The following NIBAN1 variants were observed in gnomAD, a reference collection of about 807,000 sequenced individuals.
NIBAN1 encodes the protein protein Niban 1.
A neutral mutation model predicts 75.1 loss-of-function variants in NIBAN1; 81 were observed. The observed-to-expected ratio is 1.08, with a 90% CI of 0.90 to 1.30. The LOEUF (loss-of-function observed/expected upper bound fraction) is 1.30, where lower values mean the gene tolerates loss of function less well. Ranked by LOEUF, NIBAN1 falls within the 50% of genes most tolerant of loss-of-function variation. The pLI, the probability that NIBAN1 is intolerant of heterozygous loss-of-function variation, is 0.00. For missense variants in NIBAN1, 1,133 were observed against 1,128.1 expected, an observed-to-expected ratio of 1.00 and a Z score of -0.06; for synonymous variants, 436 against 424.8, an observed-to-expected ratio of 1.03 and a Z score of -0.32.
chr1:184,881,802 C>A (rs1656386595), intron 5 of NIBAN1, among the ~76,000 whole-genome samples: 2 of 152,106 alleles, frequency 1.3e-5, no homozygotes, highest in African/African-American at 2.4e-5. Flanking sequence ...TGAGGATGAC[C>A]AGAGGTCACT....
chr1:184,871,368 A>AAAAAAG (rs1656105708), intron 5 of NIBAN1, among the ~76,000 whole-genome samples: 1 of 121,794 alleles, frequency 8.2e-6, no homozygotes, highest in Non-Finnish European at 1.7e-5. Flanking sequence ...AAAAAAAAAA[A>AAAAAAG]AAAAAGAGGA....
intron 10 of NIBAN1, 129 bp downstream of exon 10, chr1:184,807,945 G>A (rs338564): frequency 0.24 from 252,269 of 1,048,642 alleles, 35,039 homozygotes; most frequent in East Asian, 0.47. Flanking sequence ...GTGTCCTCCC[G>A]CAACATGATG....
chr1:184,911,820 T>C (rs1657248402), intron 1 of NIBAN1, among the ~76,000 whole-genome samples: 1 of 152,212 alleles, frequency 6.6e-6, no homozygotes, highest in Admixed American at 6.5e-5. Flanking sequence ...CATGTTTTCT[T>C]TAGTTATGAA....
intron 3 of NIBAN1, among the ~76,000 whole-genome samples, chr1:184,892,907 G>A (rs986960451): frequency 2.6e-5 from 4 of 152,078 alleles, no homozygotes; most frequent in African/African-American, 7.2e-5. Flanking sequence ...GAGTATCTGA[G>A]ACTACAGGCA....
At chr1:184,881,205 A>G (rs1656369439) in intron 5 of NIBAN1, among the ~76,000 whole-genome samples, 1 of 152,168 alleles carries the variant, frequency 6.6e-6, no homozygotes, top group South Asian at 2.1e-4. Context: ...AGGGAGAAAC[A>G]TAGAGCTCTC....
intron 5 of NIBAN1, among the ~76,000 whole-genome samples, chr1:184,877,205 G>T (rs565945742): frequency 6.6e-6 from 1 of 152,230 alleles, no homozygotes; most frequent in East Asian, 1.9e-4. Flanking sequence ...CATGGATGAA[G>T]CACTGGAATA....
chr1:184,890,284 C>A, intron 3 of NIBAN1, 62 bp from the exon 4 acceptor site: 1 of 1,147,600 alleles, frequency 8.7e-7, no homozygotes, highest in Non-Finnish European at 1.3e-6. Context: ...TGGAAAATAT[C>A]AGGGATATAA....
intron 1 of NIBAN1, among the ~76,000 whole-genome samples, chr1:184,901,420 T>C (rs1656952338): frequency 6.6e-6 from 1 of 152,218 alleles, no homozygotes; most frequent in African/African-American, 2.4e-5. Context: ...ATCATCTAAT[T>C]GGTTATTATG....
chr1:184,916,095 T>C (rs234677), intron 1 of NIBAN1, among the ~76,000 whole-genome samples: 65,723 of 152,080 alleles, frequency 0.43, 14,334 homozygotes, highest in East Asian at 0.54. Flanking sequence ...TCACTTGAAG[T>C]TCTCCAAATA....
chr1:184,844,527 G>A (rs1655383287), intron 5 of NIBAN1, among the ~76,000 whole-genome samples: 1 of 152,140 alleles, frequency 6.6e-6, no homozygotes, highest in Non-Finnish European at 1.5e-5. Flanking sequence ...ATTTCTGGTA[G>A]AAAATGGAAA....
Position 184,974,304 on chromosome 1 carries a change from C to G in NIBAN1, c.53G>C (p.Arg18Pro), listed in dbSNP as rs150602893. The G allele has an allele frequency of 6.4e-7, 1 of 1,563,032 alleles. No homozygotes were observed. The highest frequency in any genetic ancestry group is 8.6e-7 in the Non-Finnish European group (1 of 1,161,716). The stretch of plus-strand genomic sequence containing the variant: ...GGCCCCCGGGCGGGCGGGCGTACCT[C>G]GGATGTAAGCGCACTTGCCCTCGTC... ...QLDEGKCAYI[R>P]GKTEAAIKNF... Residue 18 changes from arginine (R) to proline (P), a missense_variant and splice_region_variant, in exon 1 of 14, where the codon CGA becomes CCA. Arg to Pro is a moderately radical substitution (Grantham distance 103). Transcript: ENST00000367511.
intron 12 of NIBAN1, among the ~76,000 whole-genome samples, chr1:184,798,589 T>C (rs2102180590): frequency 6.6e-6 from 1 of 152,306 alleles, no homozygotes; most frequent in South Asian, 2.1e-4. Flanking sequence ...ATCACCAAGA[T>C]GTTTCCTTCT....
rs941652377 is a variant in NIBAN1, at chr1:184,838,677, A to C, written c.602-6715T>G. ...GGCCAGCCAGAGAGGAGCTGCTTTT[A>C]TTTTTTTCCACTTATACAGATTTAT... is the stretch of plus-strand genomic sequence containing the variant. On this transcript the variant is annotated intron_variant, in intron 5 of 13. Coordinates refer to ENST00000367511, the MANE Select transcript of NIBAN1 (RefSeq NM_052966.4). Among the ~76,000 whole-genome samples the C allele has an allele frequency of 2.0e-5, 3 of 151,966 alleles. No individual in the cohort carries two copies. The South Asian group carries it at 6.2e-4, about 31-fold the overall frequency.
At chr1:184,868,185 T>C (rs1409128219) in intron 5 of NIBAN1, 1 of 319,522 alleles carries the variant, frequency 3.1e-6, no homozygotes, top group Non-Finnish European at 4.5e-6. Flanking sequence ...AAAATAGAAA[T>C]GTCCCACTAA....
chr1:184,825,520 AC>A (rs1654820212), intron 6 of NIBAN1, among the ~76,000 whole-genome samples: 1 of 152,254 alleles, frequency 6.6e-6, no homozygotes, highest in African/African-American at 2.4e-5. Flanking sequence ...TGGGACTGAA[AC>A]AAAGAAAAAG....
intron 5 of NIBAN1, among the ~76,000 whole-genome samples, chr1:184,838,918 C>T (rs1003736574): frequency 2.0e-5 from 3 of 152,312 alleles, no homozygotes; most frequent in South Asian, 2.1e-4. Flanking sequence ...TATGCTGCTA[C>T]GGGGCTCATC....
At position 184,799,806 on chromosome 1, in the gene NIBAN1, C is replaced by T. The variant is rs1353158791; in HGVS notation, c.1555-1616G>A. ...TGTCGCCCAGGCTGGAGTGCAGTGGCGCGATCTAGGCTCACTGCAAGCTCC... is the reference window on the plus strand; with the variant it reads ...TGTCGCCCAGGCTGGAGTGCAGTGGTGCGATCTAGGCTCACTGCAAGCTCC... On this transcript the variant is annotated intron_variant, in intron 12 of 13. Transcript: ENST00000367511. Among the ~76,000 whole-genome samples the T allele has an allele frequency of 5.2e-5, 4 of 77,062 alleles. 1 individual carries two copies. The highest frequency in any genetic ancestry group is 1.6e-4 in the Admixed American group (1 of 6,410). The allele number at this position is 77,062 out of a possible 152,430, so 50.6% of individuals were successfully genotyped here.
At position 184,913,139 on chromosome 1, in the gene NIBAN1, A is replaced by ATATATATATATATATAT. The variant is rs1553227229; in HGVS notation, c.56-13831_56-13830insATATATATATATATATA. On this transcript the variant is annotated intron_variant, in intron 1 of 13. Coordinates refer to ENST00000367511, the MANE Select transcript of NIBAN1 (RefSeq NM_052966.4). ...TATATGCCTTGCATATCATGCAGGT[A>ATATATATATATATATAT]TATATATATATATATTATATATATA... Among the ~76,000 whole-genome samples, 556 of 103,020 alleles carry ATATATATATATATATAT rather than the reference A, an allele frequency of 5.4e-3. 1 individual carries two copies. The highest frequency in any genetic ancestry group is 0.016 in the African/African-American group (517 of 32,398). 67.6% of individuals were successfully genotyped at this position (103,020 alleles called of 152,430 possible). A position where few individuals can be genotyped will look rare whatever the true frequency, so the allele number is the denominator to read the frequency against.
At chr1:184,861,519 G>A (rs76318597) in intron 5 of NIBAN1, among the ~76,000 whole-genome samples, 3,784 of 151,308 alleles carry the variant, frequency 0.025, 151 homozygotes, top group African/African-American at 0.088. Context: ...CAGGAAGGGG[G>A]GAAGAGGAGG....
Sources: gnomAD v4.1 joint callset for allele counts (sites outside exome capture counted in the v4.1 genomes callset) on GRCh38, gnomAD v4.1.1 for gene constraint, MANE v1.5 for transcripts, NCBI Gene and HGNC (gene_info 2026-07-23, HGNC 2026-07-21) for gene names.